DISC1: variants seen among roughly 807,000 people sequenced by gnomAD.
DISC1 encodes disrupted in schizophrenia 1 protein.
A neutral mutation model predicts 84.5 loss-of-function variants in DISC1; 57 were observed. That is an observed-to-expected ratio of 0.67 (90% CI 0.55 to 0.84). The LOEUF (loss-of-function observed/expected upper bound fraction) is 0.84. Ranked by LOEUF, DISC1 falls within the 40% of genes least tolerant of loss-of-function variation. The probability of loss-of-function intolerance (pLI) is 0.00; values close to 1 mark genes in which losing one functional copy is unlikely to be tolerated. For synonymous variants in DISC1, 411 were observed against 415.2 expected, an observed-to-expected ratio of 0.99 and a Z score of 0.12; for missense variants, 1,000 against 1,057.8, an observed-to-expected ratio of 0.95 and a Z score of 0.76.
chr1:231,816,944 A>ACCT (rs922091899), intron 8 of DISC1, among the ~76,000 whole-genome samples: 1 of 134,866 alleles, frequency 7.4e-6, no homozygotes, highest in African/African-American at 2.8e-5. Context: ...TCCCTCTTTC[A>ACCT]CCTCCTCCTC....
At chr1:231,891,519 A>G (rs1263463349) in intron 9 of DISC1, among the ~76,000 whole-genome samples, 1 of 152,200 alleles carries the variant, frequency 6.6e-6, no homozygotes, top group Non-Finnish European at 1.5e-5. Flanking sequence ...TGGTTTCTGC[A>G]GGAAGGAATG....
chr1:231,896,464 T>C (rs2087699366), intron 9 of DISC1, among the ~76,000 whole-genome samples: 1 of 152,156 alleles, frequency 6.6e-6, no homozygotes. Flanking sequence ...AAGAAACATA[T>C]CAAATGCAAC....
At chr1:231,924,339 A>G (rs1395284600) in intron 9 of DISC1, among the ~76,000 whole-genome samples, 2 of 152,198 alleles carry the variant, frequency 1.3e-5, no homozygotes, top group Non-Finnish European at 2.9e-5. Context: ...GTGTTTGTTC[A>G]TGATGTTGGA....
chr1:231,966,757 C>T (rs1308497973), intron 10 of DISC1, among the ~76,000 whole-genome samples: 2 of 152,244 alleles, frequency 1.3e-5, no homozygotes, highest in South Asian at 2.1e-4. Context: ...GTGATGCTTG[C>T]GTCCTTGTCC....
intron 10 of DISC1, among the ~76,000 whole-genome samples, chr1:231,973,619 T>C (rs1184951898): frequency 2.0e-5 from 3 of 152,246 alleles, no homozygotes; most frequent in Non-Finnish European, 4.4e-5. Context: ...TCAGTTGTTT[T>C]GTCTTGTCCG....
chr1:231,816,242 C>T (rs1010903532), intron 8 of DISC1, among the ~76,000 whole-genome samples: 6 of 152,090 alleles, frequency 3.9e-5, no homozygotes, highest in Non-Finnish European at 7.4e-5. Context: ...GCCATTTGTG[C>T]GTCTACTTTG....
At chr1:231,741,383 A>G (rs1196580020) in intron 3 of DISC1, among the ~76,000 whole-genome samples, 1 of 152,232 alleles carries the variant, frequency 6.6e-6, no homozygotes, top group Non-Finnish European at 1.5e-5. Flanking sequence ...TGCTAATGAA[A>G]AGGATTTAAA....
chr1:231,632,064 T>C (rs1285731831), intron 1 of DISC1, among the ~76,000 whole-genome samples: 1 of 152,200 alleles, frequency 6.6e-6, no homozygotes, highest in Non-Finnish European at 1.5e-5. Flanking sequence ...GTACTTACCA[T>C]TGTGTTACGG....
At chr1:231,988,111 G>A (rs1214562558) in intron 10 of DISC1, among the ~76,000 whole-genome samples, 2 of 152,076 alleles carry the variant, frequency 1.3e-5, no homozygotes, top group Non-Finnish European at 2.9e-5. Flanking sequence ...ACTTGAACCT[G>A]GGAGGCAGAG....
At chr1:231,903,565 T>C (rs900200074) in intron 9 of DISC1, among the ~76,000 whole-genome samples, 6 of 152,180 alleles carry the variant, frequency 3.9e-5, no homozygotes, top group Non-Finnish European at 5.9e-5. Context: ...TTCTAGGCTG[T>C]GTGGTCAGAG....
chr1:231,788,145 G>T (rs1271890588), intron 6 of DISC1, among the ~76,000 whole-genome samples: 1 of 152,142 alleles, frequency 6.6e-6, no homozygotes, highest in Non-Finnish European at 1.5e-5. Flanking sequence ...AATTAGCTGG[G>T]TGTGCTGGCG....
At chr1:231,641,533 T>A (rs114938326) in intron 1 of DISC1, among the ~76,000 whole-genome samples, 17,441 of 152,146 alleles carry the variant, frequency 0.11, 1,073 homozygotes, top group South Asian at 0.16. Context: ...GCAAGGTTTG[T>A]TGCAAACAGC....
chr1:231,750,218 G>A, intron 4 of DISC1, 142 bp downstream of exon 4: 1 of 1,448,678 alleles, frequency 6.9e-7, no homozygotes, highest in Non-Finnish European at 9.1e-7. Flanking sequence ...GGTTGGGAAG[G>A]TGGGGATTCT....
intron 6 of DISC1, among the ~76,000 whole-genome samples, chr1:231,775,484 A>G (rs190948736): frequency 2.0e-5 from 3 of 152,314 alleles, no homozygotes; most frequent in African/African-American, 4.8e-5. Flanking sequence ...AAGCCATTTG[A>G]ATTTTCCAAT....
At chr1:231,762,707 G>A (rs1372881813) in intron 4 of DISC1, among the ~76,000 whole-genome samples, 3 of 151,730 alleles carry the variant, frequency 2.0e-5, no homozygotes, top group East Asian at 1.9e-4. Context: ...TCATTTTCCC[G>A]ATACAAACAT....
intron 6 of DISC1, among the ~76,000 whole-genome samples, chr1:231,777,191 T>C (rs1042782338): frequency 6.6e-6 from 1 of 152,118 alleles, no homozygotes; most frequent in African/African-American, 2.4e-5. Flanking sequence ...TCTAGGAAAT[T>C]CTGATTTTCC....
At chr1:231,757,746 A>G (rs2075281219) in intron 4 of DISC1, among the ~76,000 whole-genome samples, 1 of 152,172 alleles carries the variant, frequency 6.6e-6, no homozygotes, top group Non-Finnish European at 1.5e-5. Context: ...AGGCCACCCT[A>G]TAATAGACCC....
At chr1:231,768,204 G>A (rs1253151423) in intron 5 of DISC1, among the ~76,000 whole-genome samples, 1 of 152,138 alleles carries the variant, frequency 6.6e-6, no homozygotes, top group Admixed American at 6.5e-5. Context: ...AGCATGAGTG[G>A]GGAGCGATGA....
At chr1:231,831,855 G>C (rs75085123) in intron 9 of DISC1, among the ~76,000 whole-genome samples, 1 of 139,910 alleles carries the variant, frequency 7.1e-6, no homozygotes, top group Non-Finnish European at 1.6e-5. Context: ...GTAGTGGGGG[G>C]GGGTGGGCAG....
Sources: gnomAD v4.1 joint callset for allele counts (sites outside exome capture counted in the v4.1 genomes callset) on GRCh38, gnomAD v4.1.1 for gene constraint, MANE v1.5 for transcripts, NCBI Gene and HGNC (gene_info 2026-07-23, HGNC 2026-07-21) for gene names.